The following XYLT1 variants were observed in gnomAD, a reference collection of about 807,000 sequenced individuals.
XYLT1 encodes the protein xylosyltransferase 1.
Under a neutral mutation model 91.3 loss-of-function variants are expected in XYLT1, and 36 were observed. That is an observed-to-expected ratio of 0.39 (90% CI 0.30 to 0.52). The LOEUF (loss-of-function observed/expected upper bound fraction) is 0.52. Among genes scored for constraint, XYLT1 ranks in the 20% least tolerant of loss-of-function variants. The pLI, the probability that XYLT1 is intolerant of heterozygous loss-of-function variation, is 0.68. For missense variants in XYLT1, 1,242 were observed against 1,284.5 expected (o/e 0.97, Z 0.51); for synonymous variants, 588 against 532.0 (o/e 1.11, Z -1.45).
chr16:17,122,214 C>G (rs953041319), intron 10 of XYLT1, among the ~76,000 whole-genome samples: 13 of 152,162 alleles, frequency 8.5e-5, no homozygotes, highest in African/African-American at 1.2e-4. Flanking sequence ...AGTTTACAGT[C>G]CCACCAACAG....
intron 2 of XYLT1, among the ~76,000 whole-genome samples, chr16:17,267,077 A>T (rs2033818169): frequency 6.6e-6 from 1 of 152,212 alleles, no homozygotes; most frequent in African/African-American, 2.4e-5. Context: ...GCAATGTAGC[A>T]TCATGTTAAT....
intron 2 of XYLT1, among the ~76,000 whole-genome samples, chr16:17,343,639 GTTTTA>G (rs2035097857): frequency 1.3e-5 from 2 of 151,984 alleles, no homozygotes; most frequent in Admixed American, 1.3e-4. Flanking sequence ...CGCAGATTAT[GTTTTA>G]TTTTTTTGTA....
intron 1 of XYLT1, among the ~76,000 whole-genome samples, chr16:17,456,933 G>A (rs2036752008): frequency 6.6e-6 from 1 of 152,110 alleles, no homozygotes; most frequent in South Asian, 2.1e-4. Flanking sequence ...GCCACGTAGT[G>A]ACATCTAATA....
chr16:17,190,328 G>C (rs2032280069), intron 5 of XYLT1, among the ~76,000 whole-genome samples: 1 of 151,888 alleles, frequency 6.6e-6, no homozygotes. Context: ...AAGTTTTCAG[G>C]TACATGTGCA....
intron 5 of XYLT1, among the ~76,000 whole-genome samples, chr16:17,188,171 T>C (rs2032228975): frequency 6.6e-6 from 1 of 152,082 alleles, no homozygotes; most frequent in South Asian, 2.1e-4. Flanking sequence ...GCTCTGTGGA[T>C]GTGGCTCTGG....
rs2033962864 is a variant in XYLT1 at position 17,275,683 on chromosome 16, C to T, written c.403-16185G>A. On this transcript the variant is annotated intron_variant, in intron 2 of 11. Coordinates refer to ENST00000261381, the MANE Select transcript of XYLT1 (RefSeq NM_022166.4). Reference sequence around the variant, plus strand: ...TTATTTCCCTATACACCTTCTCTGTCTCTCTTGATTCAACTCCCAGGAAGC... The same window carrying T: ...TTATTTCCCTATACACCTTCTCTGTTTCTCTTGATTCAACTCCCAGGAAGC... Among the ~76,000 whole-genome samples, 3 of 152,212 alleles carry T rather than the reference C, an allele frequency of 2.0e-5. No homozygotes were observed. In the South Asian group the frequency reaches 6.2e-4, roughly 32 times the overall value.
rs117580783 is a variant in XYLT1 at position 17,218,128 on chromosome 16, C to T, written c.914-17474G>A. On this transcript the variant is annotated intron_variant, in intron 3 of 11. Transcript: ENST00000261381. ...CAAAAATTAGCCAGGCATGGTGGTG[C>T]GCGCCTGTAGTTTCAGCTACTCGGG... 9.0e-3 allele frequency among the ~76,000 whole-genome samples: 1,366 copies of T among 151,804 alleles called. 12 individuals are homozygous for T. Among genetic ancestry groups the T allele is most frequent in the Middle Eastern group, 0.041 (12 of 294 alleles).
chr16:17,391,575 G>A (rs1002782339), intron 1 of XYLT1, among the ~76,000 whole-genome samples: 2 of 152,154 alleles, frequency 1.3e-5, no homozygotes, highest in Non-Finnish European at 2.9e-5. Context: ...ATTACAAACT[G>A]TCCACTTCTG....
chr16:17,161,273 C>T (rs570511468), intron 5 of XYLT1, among the ~76,000 whole-genome samples: 58 of 152,286 alleles, frequency 3.8e-4, no homozygotes, highest in African/African-American at 1.3e-3. Flanking sequence ...ATGAAATCGT[C>T]TCAAAAGATG....
intron 7 of XYLT1, among the ~76,000 whole-genome samples, chr16:17,140,380 G>A (rs1286725573): frequency 1.2e-4 from 19 of 152,160 alleles, no homozygotes; most frequent in Non-Finnish European, 4.4e-5. Context: ...TGATGTGGCG[G>A]CCGGGCATGG....
intron 2 of XYLT1, among the ~76,000 whole-genome samples, chr16:17,318,264 C>T (rs1489174466): frequency 6.6e-6 from 1 of 152,160 alleles, no homozygotes; most frequent in Non-Finnish European, 1.5e-5. Flanking sequence ...ACTCCAAAGC[C>T]GGGGCTCTTA....
chr16:17,349,981 C>T (rs1317642997), intron 2 of XYLT1, among the ~76,000 whole-genome samples: 1 of 152,000 alleles, frequency 6.6e-6, no homozygotes, highest in Non-Finnish European at 1.5e-5. Flanking sequence ...TCACGTCATT[C>T]TCCTACCTCA....
chr16:17,136,613 C>G (rs570288922), intron 8 of XYLT1, among the ~76,000 whole-genome samples: 27 of 151,870 alleles, frequency 1.8e-4, no homozygotes, highest in African/African-American at 6.0e-4. Flanking sequence ...TTACCAGGAA[C>G]CCATCTAGGG....
intron 11 of XYLT1, among the ~76,000 whole-genome samples, chr16:17,114,160 G>C (rs1311877341): frequency 6.6e-6 from 1 of 152,252 alleles, no homozygotes; most frequent in Non-Finnish European, 1.5e-5. Context: ...CTTGCCCTCT[G>C]TATAGCTTCA....
intron 1 of XYLT1, among the ~76,000 whole-genome samples, chr16:17,382,474 T>C (rs939148165): frequency 2.0e-5 from 3 of 151,894 alleles, no homozygotes; most frequent in Non-Finnish European, 4.4e-5. Flanking sequence ...GATTACTGAA[T>C]TTCAGTGTTA....
Position 17,134,458 on chromosome 16 carries a change from C to T in XYLT1, c.2027+15G>A. 1 of 1,613,300 alleles carries T rather than the reference C, an allele frequency of 6.2e-7. No individual in the cohort carries two copies. Among genetic ancestry groups the T allele is most frequent in the Non-Finnish European group, 8.5e-7 (1 of 1,179,610 alleles). ...GCTTCTCAGCTCTCCTCTCTGCATC[C>T]CATATAGGGCTCACCGGCAGCTGTT... On this transcript the variant is annotated intron_variant, in intron 9 of 11. Transcript: ENST00000261381.
intron 2 of XYLT1, among the ~76,000 whole-genome samples, chr16:17,270,532 C>T (rs1230957217): frequency 6.6e-6 from 1 of 152,160 alleles, no homozygotes; most frequent in Non-Finnish European, 1.5e-5. Flanking sequence ...CAGAGATACA[C>T]AGCAGAGGGC....
At chr16:17,134,852 C>T (rs933114041) in intron 8 of XYLT1, 117 bp from the exon 9 acceptor site, 25 of 1,285,828 alleles carry the variant, frequency 1.9e-5, no homozygotes, top group South Asian at 4.2e-5. Flanking sequence ...GAATTAGCTC[C>T]GATACTTTTT....
chr16:17,439,183 T>C (rs369301141), intron 1 of XYLT1, among the ~76,000 whole-genome samples: 5 of 152,210 alleles, frequency 3.3e-5, no homozygotes, highest in African/African-American at 1.2e-4. Flanking sequence ...GCACATGGCA[T>C]ACGTGGCACA....
Sources: allele counts gnomAD v4.1 joint callset (sites outside exome capture counted in the v4.1 genomes callset), GRCh38; gene constraint gnomAD v4.1.1; transcripts MANE v1.5; gene names NCBI Gene and HGNC (gene_info 2026-07-23, HGNC 2026-07-21).